The following ZNRF3 variants were observed in gnomAD, a reference collection of about 807,000 sequenced individuals.
ZNRF3 encodes the protein zinc and ring finger 3.
Under a neutral mutation model 72.5 loss-of-function variants are expected in ZNRF3, and 23 were observed. The observed-to-expected ratio is 0.32, with a 90% CI of 0.23 to 0.45. ZNRF3 has a LOEUF of 0.45. ZNRF3 is among the 20% of genes least tolerant of loss of function. The pLI is 1.00. For missense variants in ZNRF3, 1,169 were observed against 1,272.1 expected (o/e 0.92, Z 1.23); for synonymous variants, 610 against 545.3 (o/e 1.12, Z -1.65).
rs1013760075 is a variant in ZNRF3, at chr22:28,991,754, A to G, written c.426+4553A>G. 7.2e-5 allele frequency among the ~76,000 whole-genome samples: 11 copies of G among 152,320 alleles called. No individual in the cohort carries two copies. The East Asian group carries it at 1.3e-3, about 19-fold the overall frequency. On this transcript the variant is annotated intron_variant, in intron 2 of 8. Transcript: ENST00000544604. ...TACATAACCTGAAATTGAACAGCTT[A>G]CAAGAGCCAAGATCTGAAATAAGAC...
At chr22:28,904,713 C>A (rs898127686) in intron 1 of ZNRF3, among the ~76,000 whole-genome samples, 3 of 152,084 alleles carry the variant, frequency 2.0e-5, no homozygotes, top group Admixed American at 6.5e-5. Context: ...CGAAGGCTGT[C>A]TGGCTGCATT....
chr22:28,987,426 C>G (rs2035874533), intron 2 of ZNRF3, among the ~76,000 whole-genome samples: 1 of 152,242 alleles, frequency 6.6e-6, no homozygotes. Context: ...GGGCTCTACC[C>G]TCTTGTCCAT....
At chr22:29,039,932 T>C (rs1368759960) in intron 2 of ZNRF3, among the ~76,000 whole-genome samples, 1 of 151,914 alleles carries the variant, frequency 6.6e-6, no homozygotes, top group East Asian at 1.9e-4. Context: ...CCAGCCCAGG[T>C]GACAGAGTGA....
At chr22:28,892,530 A>C (rs1254669221) in intron 1 of ZNRF3, among the ~76,000 whole-genome samples, 1 of 152,154 alleles carries the variant, frequency 6.6e-6, no homozygotes, top group Non-Finnish European at 1.5e-5. Context: ...ACGGAATAGG[A>C]AGGAGGTAGA....
At chr22:29,035,677 G>A (rs1194077784) in intron 2 of ZNRF3, among the ~76,000 whole-genome samples, 1 of 152,206 alleles carries the variant, frequency 6.6e-6, no homozygotes, top group Non-Finnish European at 1.5e-5. Flanking sequence ...CTGGGTTCAA[G>A]CAATTCTCCT....
intron 1 of ZNRF3, among the ~76,000 whole-genome samples, chr22:28,890,068 C>A (rs1334502353): frequency 6.6e-6 from 1 of 152,220 alleles, no homozygotes; most frequent in Non-Finnish European, 1.5e-5. Flanking sequence ...TTGATGAGAA[C>A]AACTTGCTTT....
At chr22:29,022,639 C>T (rs6005958) in intron 2 of ZNRF3, among the ~76,000 whole-genome samples, 79,825 of 152,100 alleles carry the variant, frequency 0.52, 21,166 homozygotes, top group African/African-American at 0.56. Context: ...GTCCGTCTTA[C>T]AAGTCTGAGT....
At chr22:28,965,823 G>T (rs2035449221) in intron 1 of ZNRF3, among the ~76,000 whole-genome samples, 1 of 152,132 alleles carries the variant, frequency 6.6e-6, no homozygotes, top group Admixed American at 6.5e-5. Flanking sequence ...CGCAAGTGTT[G>T]GTAATACATT....
In ZNRF3 at chr22:28,977,413, T is replaced by G. The variant is rs145233503; in HGVS notation, c.301-9663T>G. ...AGAGCAAAAGAATTGTCCGTTTCTT[T>G]GTACATAGAAGAGGGAAAAAAAATC... is the stretch of plus-strand genomic sequence containing the variant. On this transcript the variant is annotated intron_variant, in intron 1 of 8. Transcript: ENST00000544604. 3.3e-5 allele frequency among the ~76,000 whole-genome samples: 5 copies of G among 152,320 alleles called. No homozygotes were observed. In the East Asian group the frequency reaches 9.6e-4, roughly 29 times the overall value.
At chr22:29,027,074 C>T (rs1417967367) in intron 2 of ZNRF3, 1 of 152,084 alleles carries the variant, frequency 6.6e-6, no homozygotes, top group African/African-American at 2.4e-5. Context: ...CTCACCATCT[C>T]TCCCTCTCTT....
chr22:29,038,514 G>A (rs2036903657), intron 2 of ZNRF3, among the ~76,000 whole-genome samples: 1 of 151,880 alleles, frequency 6.6e-6, no homozygotes, highest in Non-Finnish European at 1.5e-5. Context: ...TAACTTTTTT[G>A]TGGAGACAGT....
chr22:29,029,215 T>C (rs2036701363), intron 2 of ZNRF3, among the ~76,000 whole-genome samples: 4 of 152,258 alleles, frequency 2.6e-5, no homozygotes, highest in Admixed American at 2.6e-4. Flanking sequence ...CAAGTTCTTA[T>C]GAAGGTACAT....
chr22:28,939,895 G>A lies in ZNRF3; in HGVS notation c.301-47181G>A, dbSNP rs115844446. ...GTTAGCCTTTGACACCCAAACTTGA[G>A]TTTTAACATAGAAGGGCCATTGAGC... On this transcript the variant is annotated intron_variant, in intron 1 of 8. Transcript: ENST00000544604. Among the ~76,000 whole-genome samples the A allele has an allele frequency of 2.7e-3, 408 of 152,108 alleles. 2 individuals carry two copies. Among genetic ancestry groups the A allele is most frequent in the African/African-American group, 9.4e-3 (391 of 41,494 alleles).
At chr22:28,906,740 G>A (rs114767776) in intron 1 of ZNRF3, among the ~76,000 whole-genome samples, 1,715 of 152,286 alleles carry the variant, frequency 0.011, 22 homozygotes, top group African/African-American at 0.039. Context: ...ATAGAGAGAC[G>A]TGCTGGTGCT....
chr22:29,053,313 A>G (rs2037240795), intron 8 of ZNRF3, among the ~76,000 whole-genome samples: 1 of 152,214 alleles, frequency 6.6e-6, no homozygotes, highest in South Asian at 2.1e-4. Context: ...CACACCGGGC[A>G]CCCAGTTAAC....
At chr22:29,004,794 C>G (rs1410974091) in intron 2 of ZNRF3, among the ~76,000 whole-genome samples, 1 of 152,222 alleles carries the variant, frequency 6.6e-6, no homozygotes, top group Non-Finnish European at 1.5e-5. Flanking sequence ...CCGCCCGGTT[C>G]CAGTCCCTGC....
intron 1 of ZNRF3, among the ~76,000 whole-genome samples, chr22:28,929,828 A>T (rs1569249679): frequency 6.6e-6 from 1 of 152,214 alleles, no homozygotes; most frequent in Non-Finnish European, 1.5e-5. Flanking sequence ...TTTAAAAAGA[A>T]TCATCTTAAG....
Position 29,030,782 on chromosome 22 carries a change from T to G in ZNRF3, c.427-11713T>G, listed in dbSNP as rs2036733035. On this transcript the variant is annotated intron_variant, in intron 2 of 8. Coordinates refer to ENST00000544604, the MANE Select transcript of ZNRF3 (RefSeq NM_001206998.2). The surrounding 1 kb of genome is among the most constrained non-coding windows in gnomAD (Gnocchi z 4.2). ...ACCCTGCAGGGCGGTACACGACGGG[T>G]GGGAGTGGGGAGGAGGAGGGCTCCT... Among the ~76,000 whole-genome samples the G allele has an allele frequency of 2.9e-5, 3 of 102,960 alleles. No individual in the cohort carries two copies. The highest frequency in any genetic ancestry group is 4.1e-5 in the African/African-American group (1 of 24,132). The allele number at this position is 102,960 out of a possible 152,430, so 67.5% of individuals were successfully genotyped here.
intron 2 of ZNRF3, chr22:28,993,072 A>G (rs2035985905): frequency 6.6e-6 from 1 of 152,268 alleles, no homozygotes; most frequent in Admixed American, 6.5e-5. Context: ...TTTGGTCTTC[A>G]TTCTCTAAAG....
Sources: allele counts gnomAD v4.1 joint callset (sites outside exome capture counted in the v4.1 genomes callset), GRCh38; gene constraint gnomAD v4.1.1; non-coding constraint Gnocchi (gnomAD v3.1); transcripts MANE v1.5; gene names NCBI Gene and HGNC (gene_info 2026-07-23, HGNC 2026-07-21).